PHF2: variants seen among roughly 807,000 people sequenced by gnomAD.
PHF2 encodes the protein PHD finger protein 2.
Under a neutral mutation model 120.5 loss-of-function variants are expected in PHF2, and 27 were observed. That is an observed-to-expected ratio of 0.22 (90% confidence interval 0.17 to 0.31). The LOEUF (loss-of-function observed/expected upper bound fraction) is 0.31, where lower values mean the gene tolerates loss of function less well. Ranked by LOEUF, PHF2 falls within the 10% of genes least tolerant of loss-of-function variation. The pLI, the probability that PHF2 is intolerant of heterozygous loss-of-function variation, is 1.00. For synonymous variants in PHF2, 568 were observed against 592.5 expected (o/e 0.96, Z 0.60); for missense variants, 1,024 against 1,434.8 (o/e 0.71, Z 4.63).
rs552450707 is a variant in PHF2 at position 93,594,510 on chromosome 9, G to A, written c.98+17639G>A. Among the ~76,000 whole-genome samples the A allele has an allele frequency of 1.2e-4, 19 of 152,320 alleles. No homozygotes were observed. In the South Asian group the frequency reaches 3.7e-3, roughly 30 times the overall value. ...GGGCGTGTCACAGCTGTCATCGGGT[G>A]TACTTCCTCACCCCAAGGGTCTACT... On this transcript the variant is annotated intron_variant, in intron 1 of 21. Coordinates refer to ENST00000359246, the MANE Select transcript of PHF2 (RefSeq NM_005392.4).
intron 1 of PHF2, among the ~76,000 whole-genome samples, chr9:93,586,270 G>GT (rs746759691): frequency 3.9e-5 from 6 of 152,250 alleles, no homozygotes; most frequent in Non-Finnish European, 7.3e-5. Flanking sequence ...ATGAGGATTA[G>GT]TTGCCCTTGG....
rs752426646 is a variant in PHF2, at chr9:93,636,427, C to T, written c.201C>T (p.Thr67=). The change falls in exon 3 of 22, where the codon ACC becomes ACT. Residue 67 remains threonine, a synonymous_variant. Transcript: ENST00000359246. The part of the protein sequence containing the change: ...HGKSTLKKKR[T]WHKHGPGQAP... The stretch of plus-strand genomic sequence containing the variant: ...CCTCCACAGTAAAGAAGAAGCGGAC[C>T]TGGCACAAACACGGCCCGGGGCAAG... The T allele has an allele frequency of 6.2e-7, 1 of 1,608,132 alleles. No individual in the cohort carries two copies. The highest frequency in any genetic ancestry group is 1.1e-5 in the South Asian group (1 of 89,954).
At chr9:93,585,467 G>T (rs1000851) in intron 1 of PHF2, among the ~76,000 whole-genome samples, 1 of 152,170 alleles carries the variant, frequency 6.6e-6, no homozygotes, top group South Asian at 2.1e-4. Flanking sequence ...GCTCTGTGTG[G>T]GCAGCACGTG....
chr9:93,674,629 G>A (rs1368240335), intron 18 of PHF2, among the ~76,000 whole-genome samples: 4 of 152,298 alleles, frequency 2.6e-5, no homozygotes, highest in African/African-American at 9.6e-5. Context: ...TAGAGGCCAG[G>A]GGCTTGCAGG....
At chr9:93,637,100 G>C (rs917724702) in intron 3 of PHF2, among the ~76,000 whole-genome samples, 7 of 152,252 alleles carry the variant, frequency 4.6e-5, no homozygotes, top group African/African-American at 1.7e-4. Context: ...TTGTCACACA[G>C]CCTTTATTTC....
intron 9 of PHF2, among the ~76,000 whole-genome samples, chr9:93,657,165 C>T (rs1444890612): frequency 6.6e-6 from 1 of 152,166 alleles, no homozygotes; most frequent in East Asian, 1.9e-4. Flanking sequence ...CTCCAGACTG[C>T]CCAGCAGCGT....
At chr9:93,666,484 G>A (rs1826683721) in intron 16 of PHF2, among the ~76,000 whole-genome samples, 1 of 152,246 alleles carries the variant, frequency 6.6e-6, no homozygotes, top group Admixed American at 6.5e-5. Context: ...ATGGTGCACA[G>A]TGTGAAGACA....
At chr9:93,587,899 G>A (rs908470844) in intron 1 of PHF2, among the ~76,000 whole-genome samples, 2 of 152,186 alleles carry the variant, frequency 1.3e-5, no homozygotes, top group African/African-American at 2.4e-5. Context: ...CCCCCTGTCT[G>A]CTGGGTAGCC....
At chr9:93,629,883 C>A in intron 1 of PHF2, 87 bp from the exon 2 acceptor site, 2 of 1,287,464 alleles carry the variant, frequency 1.6e-6, no homozygotes, top group Non-Finnish European at 2.3e-6. Context: ...AGACAATGAG[C>A]AGGGATTCTC....
chr9:93,593,286 C>T (rs975742241), intron 1 of PHF2, among the ~76,000 whole-genome samples: 3 of 152,092 alleles, frequency 2.0e-5, no homozygotes. Flanking sequence ...CATTAATTAC[C>T]CTCCAGGGTA....
In PHF2 at chr9:93,636,373, C is replaced by T. The variant is rs148494944; in HGVS notation, c.185-38C>T. ...AAGTTGTGGAGCCCTGCTGGGGCTG[C>T]GCTGTGTGACCGACCTTGCTTCCGG... On this transcript the variant is annotated intron_variant, in intron 2 of 21. Coordinates refer to ENST00000359246, the MANE Select transcript of PHF2 (RefSeq NM_005392.4). 14,784 of 1,509,232 alleles carry T rather than the reference C, an allele frequency of 9.8e-3. 361 individuals carry two copies. The highest frequency in any genetic ancestry group is 0.081 in the South Asian group (6,814 of 83,906). The allele number at this position is 1,509,232 out of a possible 1,614,324, so 93.5% of individuals were successfully genotyped here.
At chr9:93,609,084 CT>C (rs1259411655) in intron 1 of PHF2, among the ~76,000 whole-genome samples, 2 of 149,874 alleles carry the variant, frequency 1.3e-5, no homozygotes, top group East Asian at 1.9e-4. Flanking sequence ...TTTTAAAAAA[CT>C]TTTTTTTAGT....
At chr9:93,595,756 T>C (rs1564374922) in intron 1 of PHF2, among the ~76,000 whole-genome samples, 2 of 152,220 alleles carry the variant, frequency 1.3e-5, no homozygotes, top group Non-Finnish European at 2.9e-5. Flanking sequence ...TGCCTTCCTC[T>C]TGATGGAACT....
chr9:93,677,745 C>G lies in PHF2; in HGVS notation c.*69C>G, dbSNP rs1216046789. 5.8e-6 allele frequency: 7 copies of G among 1,208,928 alleles called. No homozygotes were observed. The highest frequency in any genetic ancestry group is 8.5e-6 in the Non-Finnish European group (7 of 825,914). The allele number at this position is 1,208,928 out of a possible 1,614,324, so 74.9% of individuals were successfully genotyped here. A position where few individuals can be genotyped will look rare whatever the true frequency, so the allele number is the denominator to read the frequency against. ...GAGCCCCGCGAAAACATCTGCCTCCCAGGAGGGTGCCGAGCTGCCTCACCA... is the reference window on the plus strand; with the variant it reads ...GAGCCCCGCGAAAACATCTGCCTCCGAGGAGGGTGCCGAGCTGCCTCACCA... On this transcript the variant is annotated 3_prime_UTR_variant, in exon 22 of 22. Coordinates refer to ENST00000359246, the MANE Select transcript of PHF2 (RefSeq NM_005392.4). The surrounding 1 kb of genome is among the most constrained non-coding windows in gnomAD (Gnocchi z 4.4).
intron 7 of PHF2, among the ~76,000 whole-genome samples, chr9:93,655,659 T>C (rs989287164): frequency 6.6e-6 from 1 of 152,240 alleles, no homozygotes; most frequent in African/African-American, 2.4e-5. Context: ...CTGGACTGAC[T>C]AGTCTGTGCT....
chr9:93,615,168 G>A (rs202187960), intron 1 of PHF2, among the ~76,000 whole-genome samples: 2 of 64,234 alleles, frequency 3.1e-5, no homozygotes, highest in South Asian at 1.5e-3. Flanking sequence ...TGATGGTGAT[G>A]GTGATAGTAA....
At chr9:93,668,827 G>A (rs564049422) in intron 17 of PHF2, among the ~76,000 whole-genome samples, 102 of 152,356 alleles carry the variant, frequency 6.7e-4, no homozygotes, top group Non-Finnish European at 1.2e-3. Context: ...CACTGAGGCC[G>A]CCGGCCCCCC....
At chr9:93,600,011 C>G (rs1825410717) in intron 1 of PHF2, among the ~76,000 whole-genome samples, 1 of 152,204 alleles carries the variant, frequency 6.6e-6, no homozygotes, top group African/African-American at 2.4e-5. Flanking sequence ...GCCCCCAGCT[C>G]CATGCAGCCT....
rs541822880 is a variant in PHF2, at chr9:93,614,678, G to GT, written c.99-15286dup. 1.8e-3 allele frequency among the ~76,000 whole-genome samples: 272 copies of GT among 152,296 alleles called. 1 individual carries two copies. The highest frequency in any genetic ancestry group is 6.0e-3 in the African/African-American group (249 of 41,570). On this transcript the variant is annotated intron_variant, in intron 1 of 21. Coordinates refer to ENST00000359246, the MANE Select transcript of PHF2 (RefSeq NM_005392.4). ...TCAACATTCTTTCCACGGAGATTCT[G>GT]TTTTTTCTGTCCATGGAGTGTTGCA...
Sources: allele counts gnomAD v4.1 joint callset (sites outside exome capture counted in the v4.1 genomes callset), GRCh38; gene constraint gnomAD v4.1.1; non-coding constraint Gnocchi (gnomAD v3.1); transcripts MANE v1.5; gene names NCBI Gene and HGNC (gene_info 2026-07-23, HGNC 2026-07-21).